ILKAP: variants seen among roughly 807,000 people sequenced by gnomAD.
The protein encoded by ILKAP is ILK associated serine/threonine phosphatase.
In ILKAP, 11 loss-of-function variants were observed where a neutral mutation model predicts 49.1. That is an observed-to-expected ratio of 0.22 (90% confidence interval 0.14 to 0.37). The LOEUF is 0.37. Ranked by LOEUF, ILKAP falls within the 10% of genes least tolerant of loss-of-function variation. The pLI, the probability that ILKAP is intolerant of heterozygous loss-of-function variation, is 1.00. For missense variants in ILKAP, 363 were observed against 510.8 expected (o/e 0.71, Z 2.79); for synonymous variants, 186 against 192.8 (o/e 0.96, Z 0.29).
chr2:238,183,657 C>T lies in ILKAP; in HGVS notation c.710G>A (p.Ser237Asn). The T allele has an allele frequency of 6.2e-7, 1 of 1,611,776 alleles. No individual in the cohort carries two copies. The highest frequency in any genetic ancestry group is 8.5e-7 in the Non-Finnish European group (1 of 1,178,870). ...GGTGGCTCCAGAGCCACATACCCGA[C>T]TATCTCCGAGGTTGGCAATATAAAG... The part of the protein sequence containing the change: ...NILYIANLGD[S>N]RAILCRYNEE... Residue 237 changes from serine to asparagine, a missense_variant, in exon 8 of 12, where the codon AGT becomes AAT. By Grantham distance (46) the Ser-to-Asn change is conservative (BLOSUM62 1). Around this residue, in one of 3 missense-constraint regions of ILKAP, gnomAD observed 166 missense variants for 307.3 expected, o/e 0.54. Coordinates refer to ENST00000254654, the MANE Select transcript of ILKAP (RefSeq NM_030768.3).
At chr2:238,202,622 C>G (rs1036165976) in intron 1 of ILKAP, among the ~76,000 whole-genome samples, 2 of 152,188 alleles carry the variant, frequency 1.3e-5, no homozygotes, top group African/African-American at 4.8e-5. Context: ...TCCAGGTTTT[C>G]TGCCCCCAAG....
intron 9 of ILKAP, among the ~76,000 whole-genome samples, chr2:238,180,501 T>C (rs1693645265): frequency 6.6e-6 from 1 of 152,256 alleles, no homozygotes; most frequent in Non-Finnish European, 1.5e-5. Flanking sequence ...TCACTGCTAG[T>C]AGATTTGGAA....
chr2:238,192,978 A>G (rs1436559201), intron 3 of ILKAP, among the ~76,000 whole-genome samples: 2 of 151,984 alleles, frequency 1.3e-5, no homozygotes, highest in African/African-American at 4.8e-5. Flanking sequence ...GTGCCACTGC[A>G]CTCCAGCCTG....
At chr2:238,178,802 T>G (rs937885729) in intron 9 of ILKAP, among the ~76,000 whole-genome samples, 1 of 80,060 alleles carries the variant, frequency 1.2e-5, no homozygotes, top group Admixed American at 1.2e-4. Context: ...TTATTATTAT[T>G]TTTTTTTAAG....
intron 8 of ILKAP, 84 bp downstream of exon 8, chr2:238,183,569 T>G: frequency 1.0e-6 from 1 of 970,908 alleles, no homozygotes; most frequent in South Asian, 1.4e-5. Context: ...ACCATCACTT[T>G]AATCTTATTC....
chr2:238,189,947 C>T lies in ILKAP; in HGVS notation c.204G>A (p.Gln68=). ...DSGSLATSIS[Q]MVKTEGKGAK... ...CTCCTTTCCCTTCAGTCTTTACCAT[C>T]TGGGATATTGATGTGGCAAGAGAAC... is the stretch of plus-strand genomic sequence containing the variant. The change falls in exon 4 of 12, where the codon CAG becomes CAA. Residue 68 remains glutamine, a synonymous_variant. Transcript: ENST00000254654. 6.2e-7 allele frequency: 1 copy of T among 1,613,996 alleles called. No homozygotes were observed. Among genetic ancestry groups the T allele is most frequent in the Non-Finnish European group, 8.5e-7 (1 of 1,179,928 alleles).
At chr2:238,184,339 G>A (rs774133539) in intron 6 of ILKAP, among the ~76,000 whole-genome samples, 4 of 151,892 alleles carry the variant, frequency 2.6e-5, no homozygotes, top group Admixed American at 1.3e-4. Flanking sequence ...ACAGGCGCGC[G>A]CAACCATGCC....
intron 3 of ILKAP, among the ~76,000 whole-genome samples, chr2:238,193,089 TTGTTAA>T (rs1694206690): frequency 6.6e-6 from 1 of 152,208 alleles, no homozygotes; most frequent in African/African-American, 2.4e-5. Context: ...AAAATTAAGC[TTGTTAA>T]TAGTGTTATG....
chr2:238,190,586 G>A (rs571609769), intron 3 of ILKAP, among the ~76,000 whole-genome samples: 3 of 152,276 alleles, frequency 2.0e-5, no homozygotes, highest in South Asian at 4.1e-4. Context: ...GTCTTCACCC[G>A]TGCGTAACAT....
chr2:238,176,794 A>G (rs1352401292), intron 9 of ILKAP, among the ~76,000 whole-genome samples: 1 of 152,248 alleles, frequency 6.6e-6, no homozygotes, highest in Non-Finnish European at 1.5e-5. Context: ...TAAAAGCAAG[A>G]CACAGCTGGT....
intron 1 of ILKAP, among the ~76,000 whole-genome samples, chr2:238,196,684 C>A (rs1468176825): frequency 6.6e-6 from 1 of 152,172 alleles, no homozygotes; most frequent in African/African-American, 2.4e-5. Flanking sequence ...AATGAAATTT[C>A]TCCCGGGGTC....
At chr2:238,183,857 T>C (rs1559293395) in intron 7 of ILKAP, 117 bp from the exon 8 acceptor site, 1 of 991,426 alleles carries the variant, frequency 1.0e-6, no homozygotes, top group Non-Finnish European at 1.5e-6. Context: ...TCCTTGATAC[T>C]TGCTTTTTTT....
rs1297223740 is a variant in ILKAP, at chr2:238,196,377, C to T, written c.56-1507G>A. ...AAGCGCTGGGATTACAGGGGTGAGC[C>T]ACCATGTCTGGTCTAATTTTTGTAT... On this transcript the variant is annotated intron_variant, in intron 1 of 11. Coordinates refer to ENST00000254654, the MANE Select transcript of ILKAP (RefSeq NM_030768.3). Among the ~76,000 whole-genome samples, 3 of 151,972 alleles carry T rather than the reference C, an allele frequency of 2.0e-5. No individual in the cohort carries two copies. The East Asian group carries it at 5.8e-4, about 30-fold the overall frequency.
intron 10 of ILKAP, 98 bp from the exon 11 acceptor site, chr2:238,171,122 C>T: frequency 2.4e-6 from 2 of 825,814 alleles, no homozygotes; most frequent in East Asian, 2.5e-5. Context: ...AAATATTTGT[C>T]CAACTATTCA....
Position 238,203,652 on chromosome 2 carries a change from A to ACGGGCAGGGGCGGCCGG in ILKAP, c.-116_-100dup. On this transcript the variant is annotated 5_prime_UTR_variant, in exon 1 of 12. Transcript: ENST00000254654. ...GGCGGGCGGCAGCAGCGGGCGGGCGACGGGCAGGGGCGGCCGGCGCCGTCA... is the reference window on the plus strand; with the variant it reads ...GGCGGGCGGCAGCAGCGGGCGGGCGACGGGCAGGGGCGGCCGGCGGGCAGGGGCGGCCGGCGCCGTCA... 1 of 674,194 alleles carries ACGGGCAGGGGCGGCCGG rather than the reference A, an allele frequency of 1.5e-6. No homozygotes were observed. 41.8% of individuals were successfully genotyped at this position (674,194 alleles called of 1,614,324 possible). A position where few individuals can be genotyped will look rare whatever the true frequency, so the allele number is the denominator to read the frequency against.
In ILKAP at chr2:238,170,965, T is replaced by A. The variant is rs767993282; in HGVS notation, c.1016A>T (p.Asn339Ile). Residue 339 changes from asparagine (N) to isoleucine (I), a missense_variant, in exon 11 of 12, where the codon AAC becomes ATC. This residue lies in a region of ILKAP where 83 missense variants were observed against 87.5 expected (regional missense o/e 0.95). Transcript: ENST00000254654. ...FKVFTPEEAV[N>I]FILSCLEDEK... is the part of the protein sequence containing the mutation. ...CACCTCGAGACAGGACAAGATGAAG[T>A]TCACGGCTTCTTCTGGGGTAAAGAC... 4 of 1,613,802 alleles carry A rather than the reference T, an allele frequency of 2.5e-6. No individual in the cohort carries two copies. Among genetic ancestry groups the A allele is most frequent in the Non-Finnish European group, 3.4e-6 (4 of 1,179,916 alleles).
intron 6 of ILKAP, 139 bp from the exon 7 acceptor site, chr2:238,184,252 C>A (rs12623230): frequency 0.18 from 107,389 of 607,850 alleles, 11,052 homozygotes; most frequent in East Asian, 0.38. Flanking sequence ...TGCAGTGGCG[C>A]GATCTCAGCT....
chr2:238,181,716 A>G (rs1026500651), intron 9 of ILKAP, among the ~76,000 whole-genome samples: 4 of 149,674 alleles, frequency 2.7e-5, no homozygotes, highest in Admixed American at 6.8e-5. Context: ...TCCGCCTCCC[A>G]GGTTCACGCC....
rs543927652 is a variant in ILKAP at position 238,171,051 on chromosome 2, G to A, written c.957-27C>T. 398 of 1,565,008 alleles carry A rather than the reference G, an allele frequency of 2.5e-4. 3 individuals carry two copies. The South Asian group carries it at 4.1e-3, about 16-fold the overall frequency. ...TACAACACCAGGGAGAAATATAAAC[G>A]GGTTTTAGGCCCAACCAAAAAATAA... On this transcript the variant is annotated intron_variant, in intron 10 of 11. Transcript: ENST00000254654.
Sources: gnomAD v4.1 joint callset for allele counts (sites outside exome capture counted in the v4.1 genomes callset) on GRCh38, gnomAD v4.1.1 for gene constraint, gnomAD v4.1.1 regional missense constraint, MANE v1.5 for transcripts, NCBI Gene and HGNC (gene_info 2026-07-23, HGNC 2026-07-21) for gene names.